NAALADL2: variants seen among roughly 807,000 people sequenced by gnomAD.
NAALADL2 encodes the protein N-acetylated alpha-linked acidic dipeptidase like 2.
In NAALADL2, 76 loss-of-function variants were observed where a neutral mutation model predicts 87.2. The observed-to-expected ratio is 0.87, with a 90% confidence interval of 0.72 to 1.05. The LOEUF (loss-of-function observed/expected upper bound fraction) is 1.05. NAALADL2 is among the 50% of genes least tolerant of loss of function. The pLI, the probability that NAALADL2 is intolerant of heterozygous loss-of-function variation, is 0.00. For missense variants in NAALADL2, 1,089 were observed against 945.8 expected (o/e 1.15, Z -1.99); for synonymous variants, 354 against 331.0 (o/e 1.07, Z -0.75).
At chr3:174,794,005 A>G (rs915226844) in intron 3 of NAALADL2, among the ~76,000 whole-genome samples, 6 of 152,108 alleles carry the variant, frequency 3.9e-5, no homozygotes, top group East Asian at 1.9e-4. Context: ...GAAAGATCCA[A>G]TATCTACTAA....
At chr3:175,164,144 T>C (rs1733638954) in intron 2 of NAALADL2, among the ~76,000 whole-genome samples, 1 of 152,106 alleles carries the variant, frequency 6.6e-6, no homozygotes, top group South Asian at 2.1e-4. Context: ...ATGTCCATTT[T>C]TTGTTTTTTT....
intron 11 of NAALADL2, among the ~76,000 whole-genome samples, chr3:175,733,586 C>T (rs1199242924): frequency 6.6e-6 from 1 of 152,150 alleles, no homozygotes; most frequent in African/African-American, 2.4e-5. Context: ...CCTCCCAAAT[C>T]TCATATCTTT....
intron 1 of NAALADL2, among the ~76,000 whole-genome samples, chr3:174,908,677 A>T (rs1246414064): frequency 3.3e-5 from 5 of 152,110 alleles, no homozygotes; most frequent in Admixed American, 3.3e-4. Context: ...TTTAATAAAA[A>T]TTTGACTTAT....
chr3:174,938,514 G>C (rs1339180809), intron 1 of NAALADL2, among the ~76,000 whole-genome samples: 1 of 152,086 alleles, frequency 6.6e-6, no homozygotes, highest in Non-Finnish European at 1.5e-5. Flanking sequence ...ATGATAGAAT[G>C]ATTTATATTT....
intron 4 of NAALADL2, among the ~76,000 whole-genome samples, chr3:175,313,701 C>T (rs968917701): frequency 2.0e-5 from 3 of 152,160 alleles, no homozygotes; most frequent in South Asian, 4.2e-4. Context: ...ATCCTCCTTC[C>T]GAGCGAGAAA....
chr3:174,561,255 A>G (rs1713582066), intron 2 of NAALADL2, among the ~76,000 whole-genome samples: 1 of 143,722 alleles, frequency 7.0e-6, no homozygotes, highest in African/African-American at 2.6e-5. Flanking sequence ...GCTGGAGTGC[A>G]GTGGTGCGAT....
intron 5 of NAALADL2, among the ~76,000 whole-genome samples, chr3:175,333,292 G>T (rs1761615490): frequency 1.3e-5 from 2 of 152,186 alleles, no homozygotes; most frequent in Admixed American, 1.3e-4. Flanking sequence ...ATCAAAGGTG[G>T]ATGGGGCAGC....
At chr3:174,644,197 C>T (rs536107448) in intron 2 of NAALADL2, among the ~76,000 whole-genome samples, 7 of 152,218 alleles carry the variant, frequency 4.6e-5, no homozygotes, top group South Asian at 2.1e-4. Flanking sequence ...CTGCTTTCAG[C>T]GAGATTAGAA....
chr3:175,035,198 G>T (rs571388645), intron 1 of NAALADL2, among the ~76,000 whole-genome samples: 1 of 152,082 alleles, frequency 6.6e-6, no homozygotes, highest in South Asian at 2.1e-4. Flanking sequence ...TTGAAAATTG[G>T]GATGCAACAC....
intron 2 of NAALADL2, among the ~76,000 whole-genome samples, chr3:174,635,785 G>C (rs1205840968): frequency 6.6e-6 from 1 of 152,262 alleles, no homozygotes; most frequent in East Asian, 1.9e-4. Context: ...TTACAGGCGT[G>C]AGCCACCACG....
In NAALADL2 at chr3:175,096,894, T is replaced by G; in HGVS notation, c.148T>G (p.Trp50Gly). ...TCAAGCCACTGCCCTTGACTTAGAG[T>G]GGGACATGGAGAAGGAACTAGAGGA... ...DLQATALDLEWDMEKELEESG... is the reference protein window; with the variant it reads ...DLQATALDLEGDMEKELEESG... Residue 50 changes from tryptophan to glycine, a missense_variant, in exon 2 of 14, where the codon TGG becomes GGG. Trp to Gly is a radical substitution (Grantham distance 184). Coordinates refer to ENST00000454872, the MANE Select transcript of NAALADL2 (RefSeq NM_207015.3). 1 of 1,613,186 alleles carries G rather than the reference T, an allele frequency of 6.2e-7. No individual in the cohort carries two copies. Among genetic ancestry groups the G allele is most frequent in the Non-Finnish European group, 8.5e-7 (1 of 1,179,564 alleles).
At chr3:174,765,667 T>A (rs1484993561) in intron 3 of NAALADL2, among the ~76,000 whole-genome samples, 3 of 152,230 alleles carry the variant, frequency 2.0e-5, no homozygotes, top group Non-Finnish European at 4.4e-5. Context: ...ATACAGGATT[T>A]ATTTTTTGAA....
At chr3:175,280,034 A>T (rs1249640233) in intron 4 of NAALADL2, among the ~76,000 whole-genome samples, 3 of 37,192 alleles carry the variant, frequency 8.1e-5, no homozygotes, top group East Asian at 1.7e-3. Context: ...ACTCCACTTT[A>T]AAAAAAAAAA....
intron 9 of NAALADL2, among the ~76,000 whole-genome samples, chr3:175,495,650 C>T (rs1053125012): frequency 6.6e-6 from 1 of 152,128 alleles, no homozygotes; most frequent in Admixed American, 6.6e-5. Context: ...TCTGCACACA[C>T]TTTATCGTCA....
intron 1 of NAALADL2, among the ~76,000 whole-genome samples, chr3:175,021,827 G>A (rs1751597925): frequency 6.6e-6 from 1 of 152,088 alleles, no homozygotes; most frequent in Non-Finnish European, 1.5e-5. Flanking sequence ...GTTAAGTACT[G>A]CATTTGGAGA....
intron 11 of NAALADL2, among the ~76,000 whole-genome samples, chr3:175,669,638 G>T (rs554483912): frequency 6.6e-6 from 1 of 152,028 alleles, no homozygotes; most frequent in African/African-American, 2.4e-5. Context: ...GCAGCACTGG[G>T]AGTAATGAGA....
At chr3:174,907,854 A>T (rs1245775000) in intron 1 of NAALADL2, among the ~76,000 whole-genome samples, 3 of 152,106 alleles carry the variant, frequency 2.0e-5, no homozygotes, top group African/African-American at 7.2e-5. Flanking sequence ...CAGGTCTTTA[A>T]TAGTTGACTA....
intron 5 of NAALADL2, among the ~76,000 whole-genome samples, chr3:175,383,951 A>G (rs1346466581): frequency 6.6e-6 from 1 of 152,052 alleles, no homozygotes; most frequent in Non-Finnish European, 1.5e-5. Context: ...ATTCTGTCAG[A>G]TTTTTACCGT....
chr3:175,117,392 G>A (rs1725418309), intron 2 of NAALADL2, among the ~76,000 whole-genome samples: 1 of 151,952 alleles, frequency 6.6e-6, no homozygotes, highest in South Asian at 2.1e-4. Context: ...CCAGAATCTA[G>A]AAAGAATTTA....
Sources: gnomAD v4.1 joint callset for allele counts (sites outside exome capture counted in the v4.1 genomes callset) on GRCh38, gnomAD v4.1.1 for gene constraint, MANE v1.5 for transcripts, NCBI Gene and HGNC (gene_info 2026-07-23, HGNC 2026-07-21) for gene names.